Variants in WWOX observed in about 807,000 individuals in gnomAD.
The protein encoded by WWOX is WW domain-containing oxidoreductase.
In WWOX, 69 loss-of-function variants were observed where a neutral mutation model predicts 46.2. That is an observed-to-expected ratio of 1.49 (90% CI 1.23 to 1.82). The LOEUF is 1.82. Ranked by LOEUF, WWOX falls within the 40% of genes most tolerant of loss-of-function variation. WWOX has a pLI of 0.00. For synonymous variants in WWOX, 359 were observed against 202.6 expected (o/e 1.77, Z -6.56); for missense variants, 919 against 542.6 (o/e 1.69, Z -6.89).
rs563846012 is a variant in WWOX, at chr16:78,809,219, A to G, written c.1056+376467A>G. 3.0e-3 allele frequency among the ~76,000 whole-genome samples: 448 copies of G among 151,688 alleles called. 2 individuals are homozygous for G. The highest frequency in any genetic ancestry group is 4.6e-3 in the Non-Finnish European group (311 of 67,918). On this transcript the variant is annotated intron_variant, in intron 8 of 8. Transcript: ENST00000566780. ...TGGTTTCCTTTAGAGCATGTGTCCT[A>G]TAACTTGAAATGGTTGTCTGAGCAG...
intron 5 of WWOX, among the ~76,000 whole-genome samples, chr16:78,276,123 T>C (rs2079573521): frequency 6.6e-6 from 1 of 152,204 alleles, no homozygotes; most frequent in African/African-American, 2.4e-5. Flanking sequence ...CAAAGCCGTT[T>C]TCATACACCT....
intron 5 of WWOX, among the ~76,000 whole-genome samples, chr16:78,317,962 A>G (rs973030370): frequency 3.3e-5 from 5 of 152,128 alleles, no homozygotes; most frequent in Admixed American, 6.6e-5. Flanking sequence ...GTTTGAAAGC[A>G]AAGTGGTAGT....
At chr16:78,243,581 C>T in intron 5 of WWOX, among the ~76,000 whole-genome samples, 1 of 152,134 alleles carries the variant, frequency 6.6e-6, no homozygotes, top group East Asian at 1.9e-4. Flanking sequence ...GAGTCTCACT[C>T]TGTCTTCCAG....
intron 5 of WWOX, among the ~76,000 whole-genome samples, chr16:78,335,415 A>T (rs543005720): frequency 6.6e-6 from 1 of 152,282 alleles, no homozygotes; most frequent in Admixed American, 6.5e-5. Flanking sequence ...GCCTAGGATA[A>T]CGGCTTCCAG....
At chr16:78,116,159 A>T (rs112738560) in intron 4 of WWOX, among the ~76,000 whole-genome samples, 1 of 152,212 alleles carries the variant, frequency 6.6e-6, no homozygotes, top group African/African-American at 2.4e-5. Context: ...CAATTCAGTT[A>T]TACCCTTTTA....
intron 3 of WWOX, among the ~76,000 whole-genome samples, chr16:78,111,083 C>T (rs562540843): frequency 1.3e-3 from 201 of 151,894 alleles, no homozygotes; most frequent in African/African-American, 4.7e-3. Context: ...ATTTAGGGGT[C>T]GGGCCAGCCC....
At chr16:79,038,370 C>T (rs142909747) in intron 8 of WWOX, among the ~76,000 whole-genome samples, 1 of 151,252 alleles carries the variant, frequency 6.6e-6, no homozygotes, top group African/African-American at 2.4e-5. Context: ...AGGTGGAAAA[C>T]GAAGGAAGAA....
At chr16:78,695,251 T>A (rs2048073918) in intron 8 of WWOX, among the ~76,000 whole-genome samples, 1 of 152,174 alleles carries the variant, frequency 6.6e-6, no homozygotes, top group South Asian at 2.1e-4. Flanking sequence ...TTATTGTGTT[T>A]ACATCCACAG....
intron 8 of WWOX, among the ~76,000 whole-genome samples, chr16:78,729,825 A>C (rs958889209): frequency 6.6e-6 from 1 of 152,178 alleles, no homozygotes; most frequent in Non-Finnish European, 1.5e-5. Flanking sequence ...TGAGGCCTGA[A>C]CCTGCTATGC....
intron 2 of WWOX, 23 bp downstream of exon 2, chr16:78,108,510 A>G (rs1456350888): frequency 6.2e-7 from 1 of 1,613,142 alleles, no homozygotes; most frequent in South Asian, 1.1e-5. Context: ...TTGTCTAAGG[A>G]TCTTGGATGG....
intron 8 of WWOX, among the ~76,000 whole-genome samples, chr16:78,627,346 C>T (rs918807909): frequency 6.6e-6 from 1 of 152,134 alleles, no homozygotes; most frequent in Admixed American, 6.5e-5. Flanking sequence ...ATGGAGAAGA[C>T]CTGAATCCTA....
chr16:78,686,718 G>T (rs2047869958), intron 8 of WWOX, among the ~76,000 whole-genome samples: 1 of 152,162 alleles, frequency 6.6e-6, no homozygotes, highest in African/African-American at 2.4e-5. Context: ...GAAAGGCCCA[G>T]TAGGCATTTA....
chr16:78,656,641 G>A (rs575203903), intron 8 of WWOX, among the ~76,000 whole-genome samples: 126 of 152,186 alleles, frequency 8.3e-4, no homozygotes, highest in African/African-American at 2.9e-3. Context: ...ACCTCCCACC[G>A]GGCCCCTCCT....
intron 8 of WWOX, among the ~76,000 whole-genome samples, chr16:78,901,145 A>G (rs2044822024): frequency 6.6e-6 from 1 of 152,174 alleles, no homozygotes; most frequent in Non-Finnish European, 1.5e-5. Flanking sequence ...GTCCATTTTC[A>G]TAGGGCAAAA....
chr16:78,216,885 C>T (rs1180517356), intron 5 of WWOX, among the ~76,000 whole-genome samples: 1 of 152,122 alleles, frequency 6.6e-6, no homozygotes, highest in Non-Finnish European at 1.5e-5. Context: ...GCACATGCCA[C>T]CATGCCAGCT....
intron 8 of WWOX, among the ~76,000 whole-genome samples, chr16:78,758,494 C>T (rs563548367): frequency 1.3e-5 from 2 of 152,312 alleles, no homozygotes; most frequent in African/African-American, 2.4e-5. Context: ...AAGCAGGCTT[C>T]CCCCAAGTGT....
intron 4 of WWOX, among the ~76,000 whole-genome samples, chr16:78,151,242 T>TATA (rs1240823075): frequency 1.3e-5 from 2 of 152,076 alleles, no homozygotes; most frequent in Non-Finnish European, 2.9e-5. Context: ...TATTTCTTAT[T>TATA]ATATCACAAT....
intron 8 of WWOX, among the ~76,000 whole-genome samples, chr16:78,901,566 C>T (rs1043812281): frequency 1.3e-5 from 2 of 152,196 alleles, no homozygotes; most frequent in African/African-American, 4.8e-5. Context: ...TGGTTCACTG[C>T]AGCCTGTGCT....
intron 8 of WWOX, among the ~76,000 whole-genome samples, chr16:78,959,279 T>C (rs1488812731): frequency 6.6e-6 from 1 of 152,230 alleles, no homozygotes; most frequent in Non-Finnish European, 1.5e-5. Context: ...CTTAATTCAT[T>C]TATTTTTCAA....
Sources: gnomAD v4.1 joint callset for allele counts (sites outside exome capture counted in the v4.1 genomes callset) on GRCh38, gnomAD v4.1.1 for gene constraint, MANE v1.5 for transcripts, NCBI Gene and HGNC (gene_info 2026-07-23, HGNC 2026-07-21) for gene names.